Variants in POLR3G observed in about 807,000 individuals in gnomAD.
The protein encoded by POLR3G is DNA-directed RNA polymerase III subunit RPC7.
In POLR3G, 28 loss-of-function variants were observed where a neutral mutation model predicts 30.1. The ratio of observed to expected loss-of-function variants is 0.93; its 90% CI spans 0.69 to 1.27. The LOEUF (loss-of-function observed/expected upper bound fraction) is 1.27, where lower values mean the gene tolerates loss of function less well. POLR3G is among the 50% of genes most tolerant of loss of function. The pLI is 0.00. For synonymous variants in POLR3G, 79 were observed against 82.5 expected (o/e 0.96, Z 0.23); for missense variants, 254 against 264.6 (o/e 0.96, Z 0.28).
At chr5:90,474,513 C>A, upstream of POLR3G, 12 of 547,166 alleles carry the variant, frequency 2.2e-5, no homozygotes, top group South Asian at 2.6e-4. Flanking sequence ...TCCGCCAGGT[C>A]GGCAGCAAGC....
intron 1 of POLR3G, among the ~76,000 whole-genome samples, chr5:90,484,774 G>C (rs980255488): frequency 2.6e-5 from 4 of 152,126 alleles, no homozygotes; most frequent in African/African-American, 9.7e-5. Context: ...ATTATCAGCA[G>C]GGAAAGAAAT....
In POLR3G at chr5:90,488,084, A is replaced by G. The variant is rs750015301; in HGVS notation, c.202A>G (p.Met68Val). 4 of 1,611,872 alleles carry G rather than the reference A, an allele frequency of 2.5e-6. No homozygotes were observed. Among genetic ancestry groups the G allele is most frequent in the East Asian group, 2.2e-5 (1 of 44,686 alleles). The stretch of plus-strand genomic sequence containing the variant: ...TTTGAAACAGGAGTTGAGAGAAACA[A>G]TGAAAAGAATGCCTTATTTTATTGA... ...LALKQELRET[M>V]KRMPYFIETP... The change falls in exon 3 of 8, where the codon ATG becomes GTG. Residue 68 changes from methionine to valine, a missense_variant. Transcript: ENST00000651687.
intron 7 of POLR3G, among the ~76,000 whole-genome samples, chr5:90,509,803 G>A (rs1029958460): frequency 6.6e-6 from 1 of 152,152 alleles, no homozygotes; most frequent in Non-Finnish European, 1.5e-5. Context: ...AAGCTGGAGA[G>A]ATGAGCAGGT....
intron 6 of POLR3G, among the ~76,000 whole-genome samples, chr5:90,504,618 TA>T (rs1752404792): frequency 6.6e-6 from 1 of 151,994 alleles, no homozygotes; most frequent in African/African-American, 2.4e-5. Context: ...TTCTTAATTA[TA>T]AAAATAAAAT....
intron 3 of POLR3G, chr5:90,490,571 A>ATTTTTTTT: frequency 3.2e-6 from 1 of 314,544 alleles, no homozygotes. Context: ...CTAACTTTTA[A>ATTTTTTTT]TTTTTTTTTT....
rs373089009 is a variant in POLR3G, at chr5:90,501,889, T to C, written c.356-17T>C. Reference sequence around the variant, plus strand: ...TGCAGTTGCAGAAAAATGTGTTAACTGGTAGTTTTACTTCAGCAGGCCCAA... The same window carrying C: ...TGCAGTTGCAGAAAAATGTGTTAACCGGTAGTTTTACTTCAGCAGGCCCAA... On this transcript the variant is annotated splice_polypyrimidine_tract_variant and intron_variant, in intron 5 of 7. Transcript: ENST00000651687. 62 of 1,611,638 alleles carry C rather than the reference T, an allele frequency of 3.8e-5. No individual in the cohort carries two copies. In the African/African-American group the frequency reaches 7.8e-4, roughly 20 times the overall value.
chr5:90,506,178 G>C (rs148791965), intron 6 of POLR3G, among the ~76,000 whole-genome samples: 2 of 152,064 alleles, frequency 1.3e-5, no homozygotes, highest in African/African-American at 4.8e-5. Flanking sequence ...GCTGTGAGCC[G>C]AGATCGTGGC....
intron 1 of POLR3G, among the ~76,000 whole-genome samples, chr5:90,478,752 G>A (rs1164068842): frequency 1.3e-5 from 2 of 151,182 alleles, no homozygotes; most frequent in African/African-American, 2.4e-5. Flanking sequence ...TTGGGAGGCC[G>A]AGGAGGGCAG....
At chr5:90,487,369 G>T (rs1357190167) in intron 2 of POLR3G, among the ~76,000 whole-genome samples, 12 of 107,888 alleles carry the variant, frequency 1.1e-4, no homozygotes, top group East Asian at 2.7e-4. Context: ...TTTTTTTTTT[G>T]GTACATTAAT....
rs757900205 is a variant in POLR3G at position 90,512,189 on chromosome 5, G to A, written c.*50G>A. 47 of 1,107,016 alleles carry A rather than the reference G, an allele frequency of 4.2e-5. No homozygotes were observed. Among genetic ancestry groups the A allele is most frequent in the South Asian group, 3.8e-4 (30 of 79,076 alleles). The allele number at this position is 1,107,016 out of a possible 1,614,324, so 68.6% of individuals were successfully genotyped here. On this transcript the variant is annotated 3_prime_UTR_variant, in exon 8 of 8. Transcript: ENST00000651687. ...TTTATGATGCAGCTTCTGAACATTT[G>A]GACAGACTTGATTTGTATTTTATTT...
At chr5:90,495,793 T>G (rs1002663587) in intron 4 of POLR3G, 60 bp downstream of exon 4, 2 of 1,224,570 alleles carry the variant, frequency 1.6e-6, no homozygotes, top group South Asian at 3.7e-5. Flanking sequence ...TCACCTCATG[T>G]TTTTTTTTTA....
At chr5:90,490,590 T>TTTTG in intron 3 of POLR3G, 12 of 383,398 alleles carry the variant, frequency 3.1e-5, no homozygotes, top group East Asian at 8.5e-5. Flanking sequence ...TTTTTTTTTG[T>TTTTG]AGAGACGGGA....
intron 1 of POLR3G, 67 bp from the exon 2 acceptor site, chr5:90,485,458 T>C: frequency 2.6e-6 from 2 of 758,420 alleles, no homozygotes; most frequent in Non-Finnish European, 4.4e-6. Flanking sequence ...GGGTGCAGTT[T>C]TATATTTTGC....
chr5:90,507,940 C>T (rs1752566879), intron 7 of POLR3G, among the ~76,000 whole-genome samples: 1 of 151,964 alleles, frequency 6.6e-6, no homozygotes, highest in Admixed American at 6.6e-5. Context: ...GACCCTTGCT[C>T]GCCCTTCATC....
intron 1 of POLR3G, among the ~76,000 whole-genome samples, chr5:90,478,834 G>A (rs1207720593): frequency 3.3e-5 from 5 of 151,508 alleles, no homozygotes; most frequent in Non-Finnish European, 5.9e-5. Context: ...AAATGCAGTG[G>A]TTCTTAATTT....
intron 6 of POLR3G, 28 bp from the exon 7 acceptor site, chr5:90,506,500 A>G (rs761506270): frequency 6.2e-7 from 1 of 1,605,984 alleles, no homozygotes; most frequent in Non-Finnish European, 8.5e-7. Flanking sequence ...TGGTTTCCAT[A>G]CAAATTAATG....
At chr5:90,483,008 C>T (rs954566654) in intron 1 of POLR3G, among the ~76,000 whole-genome samples, 3 of 152,102 alleles carry the variant, frequency 2.0e-5, no homozygotes, top group Middle Eastern at 3.4e-3. Flanking sequence ...GGCATGGTGG[C>T]GCACGCCTGT....
At chr5:90,507,386 A>T (rs991683353) in intron 7 of POLR3G, among the ~76,000 whole-genome samples, 2 of 152,190 alleles carry the variant, frequency 1.3e-5, no homozygotes, top group African/African-American at 4.8e-5. Context: ...ACTTCCAACT[A>T]TGAAATCTTT....
At chr5:90,482,727 C>A (rs553108958) in intron 1 of POLR3G, among the ~76,000 whole-genome samples, 2 of 152,238 alleles carry the variant, frequency 1.3e-5, no homozygotes, top group Admixed American at 1.3e-4. Context: ...TCTTGTGGCC[C>A]CCACCCAGGA....
Sources: allele counts gnomAD v4.1 joint callset (sites outside exome capture counted in the v4.1 genomes callset), GRCh38; gene constraint gnomAD v4.1.1; transcripts MANE v1.5; gene names NCBI Gene and HGNC (gene_info 2026-07-23, HGNC 2026-07-21).